SLC2A13: variants seen among roughly 807,000 people sequenced by gnomAD.
SLC2A13 encodes the protein proton myo-inositol cotransporter.
In SLC2A13, 32 loss-of-function variants were observed where a neutral mutation model predicts 64.4. That is an observed-to-expected ratio of 0.50 (90% CI 0.37 to 0.67). SLC2A13 has a LOEUF of 0.67. Among genes scored for constraint, SLC2A13 ranks in the 30% least tolerant of loss-of-function variants. The probability of loss-of-function intolerance (pLI) is 0.00; values close to 1 mark genes in which losing one functional copy is unlikely to be tolerated. For missense variants in SLC2A13, 743 were observed against 829.2 expected (o/e 0.90, Z 1.28); for synonymous variants, 338 against 327.1 (o/e 1.03, Z -0.36).
intron 3 of SLC2A13, among the ~76,000 whole-genome samples, chr12:39,975,827 C>T (rs577130): frequency 0.023 from 3,539 of 151,950 alleles, 141 homozygotes; most frequent in African/African-American, 0.082. Flanking sequence ...AAGGAGCCAA[C>T]GGATACAAAT....
intron 7 of SLC2A13, among the ~76,000 whole-genome samples, chr12:39,771,838 T>C (rs562317064): frequency 4.3e-4 from 65 of 152,274 alleles, no homozygotes; most frequent in Admixed American, 3.7e-3. Context: ...CTACCTTATC[T>C]TGTACTCCTG....
rs575620792 is a variant in SLC2A13 at position 39,759,870 on chromosome 12, G to T, written c.*156C>A. 13 of 592,860 alleles carry T rather than the reference G, an allele frequency of 2.2e-5. No homozygotes were observed. The South Asian group carries it at 2.9e-4, about 13-fold the overall frequency. 36.7% of individuals were successfully genotyped at this position (592,860 alleles called of 1,614,324 possible). On this transcript the variant is annotated 3_prime_UTR_variant, in exon 10 of 10. Transcript: ENST00000280871. The stretch of plus-strand genomic sequence containing the variant: ...CTTGTGGAAAAAAAAAGTCATCATG[G>T]TTGTATCTTCCTCCTAATCAAGTAT...
intron 6 of SLC2A13, among the ~76,000 whole-genome samples, chr12:39,860,435 T>C (rs1422095297): frequency 6.6e-6 from 1 of 152,202 alleles, no homozygotes; most frequent in Non-Finnish European, 1.5e-5. Context: ...GTGAACAAGA[T>C]GTTGCCCATG....
chr12:39,923,715 C>CACACACAG (rs1945663807), intron 4 of SLC2A13, among the ~76,000 whole-genome samples: 1 of 151,406 alleles, frequency 6.6e-6, no homozygotes, highest in African/African-American at 2.4e-5. Flanking sequence ...CACACACACA[C>CACACACAG]ACACACACAT....
chr12:40,070,473 TCTC>T lies in SLC2A13; in HGVS notation c.557-22266_557-22264del, dbSNP rs10536415. Among the ~76,000 whole-genome samples, 683 of 152,246 alleles carry T rather than the reference TCTC, an allele frequency of 4.5e-3. 5 individuals carry two copies. Among genetic ancestry groups the T allele is most frequent in the African/African-American group, 0.015 (640 of 41,556 alleles). Reference sequence around the variant, plus strand: ...AGGGCACTTCACTTCGCTTGGTACTTCTCCTTATTTTACAAAAAGCATTCTGGT... The same window carrying T: ...AGGGCACTTCACTTCGCTTGGTACTTCTTATTTTACAAAAAGCATTCTGGT... On this transcript the variant is annotated intron_variant, in intron 1 of 9. Transcript: ENST00000280871.
intron 7 of SLC2A13, among the ~76,000 whole-genome samples, chr12:39,800,812 C>T (rs1356775014): frequency 3.6e-4 from 1 of 2,794 alleles, no homozygotes; most frequent in Admixed American, 3.6e-3. Context: ...TTTATTGCGG[C>T]ACTATTCACA....
At chr12:39,826,792 TA>T (rs1332235000) in intron 7 of SLC2A13, among the ~76,000 whole-genome samples, 3 of 149,596 alleles carry the variant, frequency 2.0e-5, no homozygotes, top group Non-Finnish European at 3.0e-5. Flanking sequence ...ATCATAAGTA[TA>T]TAACTTTCAG....
At chr12:39,816,062 C>G (rs965929976) in intron 7 of SLC2A13, among the ~76,000 whole-genome samples, 1 of 152,102 alleles carries the variant, frequency 6.6e-6, no homozygotes, top group Admixed American at 6.5e-5. Context: ...ACATTTAAAT[C>G]GATGAGGCAC....
At position 39,882,459 on chromosome 12, in the gene SLC2A13, T is replaced by C. The variant is rs567067219; in HGVS notation, c.1035-10498A>G. The stretch of plus-strand genomic sequence containing the variant: ...TTCCAACTCTACCTATATCCAGTTA[T>C]TCTTCTACTCTGCATTTACATCTAG... On this transcript the variant is annotated intron_variant, in intron 4 of 9. Transcript: ENST00000280871. 5.9e-5 allele frequency among the ~76,000 whole-genome samples: 9 copies of C among 152,374 alleles called. No homozygotes were observed. In the South Asian group the frequency reaches 1.7e-3, roughly 28 times the overall value.
chr12:39,935,562 G>A (rs955370942), intron 4 of SLC2A13, among the ~76,000 whole-genome samples: 1 of 152,336 alleles, frequency 6.6e-6, no homozygotes, highest in African/African-American at 2.4e-5. Context: ...AATATTGCAA[G>A]GGGGCATTTT....
At chr12:39,923,421 A>C (rs74089317) in intron 4 of SLC2A13, among the ~76,000 whole-genome samples, 13,009 of 152,198 alleles carry the variant, frequency 0.085, 701 homozygotes, top group Admixed American at 0.14. Context: ...ATATTGTATG[A>C]TTCCACTTAC....
chr12:39,911,678 G>A (rs1316880367), intron 4 of SLC2A13, among the ~76,000 whole-genome samples: 1 of 151,940 alleles, frequency 6.6e-6, no homozygotes, highest in African/African-American at 2.4e-5. Flanking sequence ...TGCAGTGTTG[G>A]TGCCCTTCCC....
At chr12:39,776,861 A>G (rs1040362185) in intron 7 of SLC2A13, among the ~76,000 whole-genome samples, 2 of 152,234 alleles carry the variant, frequency 1.3e-5, no homozygotes, top group Non-Finnish European at 2.9e-5. Context: ...GTTCTAAGAC[A>G]GTACTGATCC....
intron 4 of SLC2A13, among the ~76,000 whole-genome samples, chr12:39,924,935 C>A (rs1200591276): frequency 2.0e-5 from 3 of 151,294 alleles, no homozygotes; most frequent in Admixed American, 2.0e-4. Flanking sequence ...TAAAATTTTT[C>A]TTCAACATTT....
intron 7 of SLC2A13, among the ~76,000 whole-genome samples, chr12:39,795,950 A>G (rs1941558730): frequency 1.3e-5 from 2 of 152,142 alleles, no homozygotes; most frequent in African/African-American, 4.8e-5. Flanking sequence ...GTATATTCAC[A>G]GAGTTGTGTA....
At chr12:39,816,015 T>A (rs1332503795) in intron 7 of SLC2A13, among the ~76,000 whole-genome samples, 2 of 152,210 alleles carry the variant, frequency 1.3e-5, no homozygotes, top group Non-Finnish European at 2.9e-5. Flanking sequence ...AATTAGCTAT[T>A]CTCTAGACTT....
At chr12:39,786,584 C>A (rs1449348373) in intron 7 of SLC2A13, among the ~76,000 whole-genome samples, 2 of 152,144 alleles carry the variant, frequency 1.3e-5, no homozygotes, top group African/African-American at 4.8e-5. Flanking sequence ...GCATATAAAG[C>A]ACAAGGAGAG....
intron 6 of SLC2A13, among the ~76,000 whole-genome samples, chr12:39,859,617 GGTT>G (rs1943705038): frequency 6.6e-6 from 1 of 152,076 alleles, no homozygotes; most frequent in Non-Finnish European, 1.5e-5. Context: ...CTACCTCCTG[GGTT>G]CAAGTGATTC....
chr12:39,938,333 C>T (rs1945954016), intron 4 of SLC2A13, among the ~76,000 whole-genome samples: 3 of 151,780 alleles, frequency 2.0e-5, no homozygotes, highest in Non-Finnish European at 1.5e-5. Context: ...CCAGATCTAA[C>T]ACCAAAGGTT....
Sources: allele counts gnomAD v4.1 joint callset (sites outside exome capture counted in the v4.1 genomes callset), GRCh38; gene constraint gnomAD v4.1.1; transcripts MANE v1.5; gene names NCBI Gene and HGNC (gene_info 2026-07-23, HGNC 2026-07-21).